KBTBD2: variants seen among roughly 807,000 people sequenced by gnomAD.
The protein encoded by KBTBD2 is kelch repeat and BTB domain-containing protein 2.
KBTBD2 carries 17 observed loss-of-function variants against 57.1 expected under a neutral mutation model. The observed-to-expected ratio is 0.30, with a 90% CI of 0.20 to 0.45. The LOEUF is 0.45. Ranked by LOEUF, KBTBD2 falls within the 20% of genes least tolerant of loss-of-function variation. The pLI is 1.00. For synonymous variants in KBTBD2, 267 were observed against 262.7 expected (o/e 1.02, Z -0.16); for missense variants, 515 against 750.6 (o/e 0.69, Z 3.67).
At chr7:32,877,487 T>A (rs963751668) in intron 2 of KBTBD2, among the ~76,000 whole-genome samples, 1 of 152,212 alleles carries the variant, frequency 6.6e-6, no homozygotes, top group Non-Finnish European at 1.5e-5. Context: ...ATTGGTGGGA[T>A]AGACAGAACT....
At chr7:32,884,081 G>A (rs1244132643) in intron 1 of KBTBD2, among the ~76,000 whole-genome samples, 1 of 152,128 alleles carries the variant, frequency 6.6e-6, no homozygotes, top group Non-Finnish European at 1.5e-5. Context: ...TTGTAGTACA[G>A]GTAAAATGAG....
At chr7:32,875,309 TC>T (rs1784285464) in intron 2 of KBTBD2, 152 bp from the exon 3 acceptor site, 3 of 647,068 alleles carry the variant, frequency 4.6e-6, no homozygotes, top group East Asian at 5.7e-5. Flanking sequence ...TCTTGCTCTG[TC>T]CCCCAGGCTG....
At chr7:32,884,464 CAGAT>C (rs1784519454) in intron 1 of KBTBD2, among the ~76,000 whole-genome samples, 1 of 149,520 alleles carries the variant, frequency 6.7e-6, no homozygotes, top group Admixed American at 6.7e-5. Flanking sequence ...CTGAGGTGGA[CAGAT>C]CACCTGAGTT....
At chr7:32,884,977 TATATATATATATACAC>T (rs1209892643) in intron 1 of KBTBD2, among the ~76,000 whole-genome samples, 1 of 120,092 alleles carries the variant, frequency 8.3e-6, no homozygotes, top group East Asian at 3.4e-4. Context: ...TATGTGTGTG[TATATATATATATACAC>T]ATATATGTGT....
Position 32,880,561 on chromosome 7 carries a change from A to AC in KBTBD2, c.-338-620_-338-619insG, listed in dbSNP as rs1554277703. ...AAGTATATTTTACTTAAAAAAAAAA[A>AC]ACATAAAATGTAATGGGTATATGTT... On this transcript the variant is annotated intron_variant, in intron 1 of 3. Coordinates refer to ENST00000304056, the MANE Select transcript of KBTBD2 (RefSeq NM_015483.3). 2.0e-5 allele frequency among the ~76,000 whole-genome samples: 3 copies of AC among 151,758 alleles called. No individual in the cohort carries two copies. In the East Asian group the frequency reaches 5.8e-4, roughly 29 times the overall value.
Position 32,869,742 on chromosome 7 carries a change from A to AC in KBTBD2, c.1474dup (p.Val492GlyfsTer12). 6.2e-7 allele frequency: 1 copy of AC among 1,614,074 alleles called. No individual in the cohort carries two copies. Among genetic ancestry groups the AC allele is most frequent in the Non-Finnish European group, 8.5e-7 (1 of 1,179,972 alleles). On this transcript the variant is annotated frameshift_variant, in exon 4 of 4. Coordinates refer to ENST00000304056, the MANE Select transcript of KBTBD2 (RefSeq NM_015483.3). LOFTEE classifies it high-confidence loss of function. The stretch of plus-strand genomic sequence containing the variant: ...TTCCACAGTTACTGAAGACCCATCT[A>AC]CAGTGCCAGAGGGGAGTCTTATGCC...
In KBTBD2 at chr7:32,870,045, C is replaced by G. The variant is rs1427841981; in HGVS notation, c.1172G>C (p.Gly391Ala). Residue 391 changes from glycine (G) to alanine (A), a missense_variant, in exon 4 of 4, where the codon GGT (glycine) becomes GCT (alanine). Transcript: ENST00000304056. ...YIYAIGGDSV[G>A]GELNRRTVER... ...TACGGTCCTCCGATTAAGTTCTCCA[C>G]CTACGCTATCTCCTCCAATTGCATA... The G allele has an allele frequency of 1.9e-6, 3 of 1,614,066 alleles. No individual in the cohort carries two copies. Among genetic ancestry groups the G allele is most frequent in the Non-Finnish European group, 2.5e-6 (3 of 1,180,034 alleles).
At chr7:32,879,351 TAAAAAC>T in intron 2 of KBTBD2, 78 bp downstream of exon 2, 1 of 1,080,808 alleles carries the variant, frequency 9.3e-7, no homozygotes, top group Non-Finnish European at 1.3e-6. Context: ...AAGCAAAACT[TAAAAAC>T]AAAAATTGAG....
At position 32,879,360 on chromosome 7, in the gene KBTBD2, A is replaced by C. The variant is rs921339775; in HGVS notation, c.170+75T>G. On this transcript the variant is annotated intron_variant, in intron 2 of 3. Coordinates refer to ENST00000304056, the MANE Select transcript of KBTBD2 (RefSeq NM_015483.3). The stretch of plus-strand genomic sequence containing the variant: ...AACCTTAAGCAAAACTTAAAAACAA[A>C]AATTGAGATGTGGCTTTTTAAAAAA... The C allele has an allele frequency of 2.6e-6, 3 of 1,159,048 alleles. No individual in the cohort carries two copies. In the Admixed American group the frequency reaches 7.7e-5, roughly 30 times the overall value. The allele number at this position is 1,159,048 out of a possible 1,614,324, so 71.8% of individuals were successfully genotyped here.
Position 32,870,527 on chromosome 7 carries a change from CTG to C in KBTBD2, c.688_689del (p.Gln230GlufsTer11). On this transcript the variant is annotated frameshift_variant, in exon 4 of 4. Coordinates refer to ENST00000304056, the MANE Select transcript of KBTBD2 (RefSeq NM_015483.3). LOFTEE classifies it high-confidence loss of function. Reference sequence around the variant, plus strand: ...GTGGCAGACCTTGAAACCAAGCTCTCTGTGTTACTTCTGAAAGTGCATCAATT... The same window carrying C: ...GTGGCAGACCTTGAAACCAAGCTCTCTGTTACTTCTGAAAGTGCATCAATT... ...IRIDALSEVT[Q>X]RAWFQGLPPN... 1 of 1,614,132 alleles carries C rather than the reference CTG, an allele frequency of 6.2e-7. No homozygotes were observed. Among genetic ancestry groups the C allele is most frequent in the Non-Finnish European group, 8.5e-7 (1 of 1,180,026 alleles).
chr7:32,891,726 G>T lies in KBTBD2; in HGVS notation c.-529C>A, dbSNP rs1401509461. 6.6e-6 allele frequency: 1 copy of T among 151,550 alleles called. No homozygotes were observed. Among genetic ancestry groups the T allele is most frequent in the African/African-American group, 2.4e-5 (1 of 41,154 alleles). The allele number at this position is 151,550 out of a possible 1,614,324, so 9.4% of individuals were successfully genotyped here. ...CCGGTTTCCCCTCGCACCCTCCCTC[G>T]CTTGGTCCGTCCAGCGCGGAAAGCA... On this transcript the variant is annotated 5_prime_UTR_variant, in exon 1 of 4. Transcript: ENST00000304056.
chr7:32,889,897 C>T (rs1583796902), intron 1 of KBTBD2, among the ~76,000 whole-genome samples: 1 of 152,202 alleles, frequency 6.6e-6, no homozygotes, highest in Non-Finnish European at 1.5e-5. Context: ...TCACCTTGCA[C>T]ATTCAATGTT....
Position 32,869,745 on chromosome 7 carries a change from G to A in KBTBD2, c.1472C>T (p.Thr491Ile). The A allele has an allele frequency of 6.2e-7, 1 of 1,614,088 alleles. No homozygotes were observed. The highest frequency in any genetic ancestry group is 8.5e-7 in the Non-Finnish European group (1 of 1,180,026). Residue 491 changes from threonine (T) to isoleucine (I), a missense_variant, in exon 4 of 4, where the codon ACT becomes ATT. Transcript: ENST00000304056. ...TNSGIRLPSG[T>I]VDGSSVTVEI... ...CACAGTTACTGAAGACCCATCTACA[G>A]TGCCAGAGGGGAGTCTTATGCCGGA...
At chr7:32,876,555 A>G (rs947857113) in intron 2 of KBTBD2, among the ~76,000 whole-genome samples, 2 of 152,240 alleles carry the variant, frequency 1.3e-5, no homozygotes, top group Admixed American at 1.3e-4. Flanking sequence ...CTAAGCTGAC[A>G]GACTATAAGA....
chr7:32,879,703 G>T lies in KBTBD2; in HGVS notation c.-99C>A. The T allele has an allele frequency of 1.1e-6, 1 of 903,938 alleles. No homozygotes were observed. The highest frequency in any genetic ancestry group is 1.7e-6 in the Non-Finnish European group (1 of 579,830). The allele number at this position is 903,938 out of a possible 1,614,324, so 56.0% of individuals were successfully genotyped here. A position where few individuals can be genotyped will look rare whatever the true frequency, so the allele number is the denominator to read the frequency against. ...TTCAGAAATAAAGGAGAACCTACTT[G>T]CTGTTATCTGCAGCATTCAGTACCA... On this transcript the variant is annotated 5_prime_UTR_variant, in exon 2 of 4. Transcript: ENST00000304056.
rs545035946 is a variant in KBTBD2, at chr7:32,878,505, A to AAGAGGC, written c.170+924_170+929dup. Among the ~76,000 whole-genome samples, 29 of 151,818 alleles carry AAGAGGC rather than the reference A, an allele frequency of 1.9e-4. 1 individual carries two copies. The East Asian group carries it at 5.7e-3, about 30-fold the overall frequency. ...TGAGGCAGCAGAATCACTTGAACCC[A>AAGAGGC]AGAGGCAGAGGTTGCAGTGAGCCGA... On this transcript the variant is annotated intron_variant, in intron 2 of 3. Coordinates refer to ENST00000304056, the MANE Select transcript of KBTBD2 (RefSeq NM_015483.3).
At position 32,879,878 on chromosome 7, in the gene KBTBD2, A is replaced by G. The variant is rs1215025886; in HGVS notation, c.-274T>C. ...CTGCAATTGTGCAGCTCATGAGTGA[A>G]AGAGAAAAATACACGAGGTAGATTT... On this transcript the variant is annotated 5_prime_UTR_variant, in exon 2 of 4. Transcript: ENST00000304056. 3 of 331,116 alleles carry G rather than the reference A, an allele frequency of 9.1e-6. No homozygotes were observed. Among genetic ancestry groups the G allele is most frequent in the Non-Finnish European group, 1.1e-5 (2 of 182,168 alleles). 20.5% of individuals were successfully genotyped at this position (331,116 alleles called of 1,614,324 possible). A position where few individuals can be genotyped will look rare whatever the true frequency, so the allele number is the denominator to read the frequency against.
rs1332718730 is a variant in KBTBD2, at chr7:32,868,702, T to C, written c.*643A>G. 1 of 152,610 alleles carries C rather than the reference T, an allele frequency of 6.6e-6. No individual in the cohort carries two copies. The highest frequency in any genetic ancestry group is 2.4e-5 in the African/African-American group (1 of 41,430). The allele number at this position is 152,610 out of a possible 1,614,324, so 9.5% of individuals were successfully genotyped here. On this transcript the variant is annotated 3_prime_UTR_variant, in exon 4 of 4. Transcript: ENST00000304056. ...GCAACTTAAGTCCACACCTGGTAAA[T>C]GACCAGCTGACTGGAAGACCTGTAT...
At chr7:32,881,026 G>A (rs537622568) in intron 1 of KBTBD2, among the ~76,000 whole-genome samples, 17 of 151,816 alleles carry the variant, frequency 1.1e-4, no homozygotes, top group South Asian at 2.1e-4. Flanking sequence ...GCTTGAACCC[G>A]GGAGGTGGAG....
Sources: gnomAD v4.1 joint callset for allele counts (sites outside exome capture counted in the v4.1 genomes callset) on GRCh38, gnomAD v4.1.1 for gene constraint, MANE v1.5 for transcripts, NCBI Gene and HGNC (gene_info 2026-07-23, HGNC 2026-07-21) for gene names.